Variants in FXYD6 observed in about 807,000 individuals in gnomAD.
The protein encoded by FXYD6 is FXYD domain-containing ion transport regulator 6.
Under a neutral mutation model 16.7 loss-of-function variants are expected in FXYD6, and 7 were observed. That is an observed-to-expected ratio of 0.42 (90% confidence interval 0.24 to 0.79). The LOEUF is 0.79. Among genes scored for constraint, FXYD6 ranks in the 30% least tolerant of loss-of-function variants. FXYD6 has a pLI of 0.28. For synonymous variants in FXYD6, 49 were observed against 43.0 expected, an observed-to-expected ratio of 1.14 and a Z score of -0.54; for missense variants, 111 against 116.2, an observed-to-expected ratio of 0.95 and a Z score of 0.21.
intron 1 of FXYD6, among the ~76,000 whole-genome samples, chr11:117,858,628 CTTTTTTCTTTCT>C (rs2056794735): frequency 1.4e-5 from 2 of 145,784 alleles, no homozygotes; most frequent in Non-Finnish European, 3.0e-5. Context: ...GCTTCATTTT[CTTTTTTCTTTCT>C]TTCTTTCTTT....
At chr11:117,841,905 G>A in intron 3 of FXYD6, 40 bp from the exon 4 acceptor site, 1 of 1,613,996 alleles carries the variant, frequency 6.2e-7, no homozygotes, top group Non-Finnish European at 8.5e-7. Flanking sequence ...AGGGGCCAGG[G>A]AGAGGGTGTC....
At chr11:117,862,917 C>T (rs963134970) in intron 1 of FXYD6, among the ~76,000 whole-genome samples, 1 of 152,116 alleles carries the variant, frequency 6.6e-6, no homozygotes, top group Non-Finnish European at 1.5e-5. Context: ...GTTGCATATT[C>T]CTGTTCCCTG....
At chr11:117,876,558 G>T (rs1228018487) in intron 1 of FXYD6, 34 bp downstream of exon 1, 1 of 152,680 alleles carries the variant, frequency 6.5e-6, no homozygotes, top group African/African-American at 2.4e-5. Context: ...CTCGGAAAAA[G>T]GAGCCAACTT....
At chr11:117,843,652 C>A (rs2056409376) in intron 1 of FXYD6, 1 of 152,198 alleles carries the variant, frequency 6.6e-6, no homozygotes, top group South Asian at 2.1e-4. Context: ...GTACCCTTTA[C>A]GTCCCACCTC....
At chr11:117,838,399 C>T (rs972899839) in intron 7 of FXYD6, 122 bp from the exon 8 acceptor site, 29 of 680,442 alleles carry the variant, frequency 4.3e-5, no homozygotes, top group South Asian at 1.4e-4. Context: ...TCGTCTGAGA[C>T]GCAGAGAAAG....
intron 7 of FXYD6, 189 bp downstream of exon 7, chr11:117,839,592 C>T (rs2276033): frequency 0.032 from 19,432 of 612,500 alleles, 2,071 homozygotes; most frequent in East Asian, 0.25. Flanking sequence ...TGGGACACTT[C>T]GGGTGTTTCT....
At chr11:117,841,940 G>A (rs779599083) in intron 3 of FXYD6, 50 bp downstream of exon 3, 4 of 1,614,014 alleles carry the variant, frequency 2.5e-6, no homozygotes, top group Non-Finnish European at 3.4e-6. Flanking sequence ...CTCCTGCCAG[G>A]CAGGGCTGCA....
At chr11:117,841,335 G>C (rs2056338178) in intron 4 of FXYD6, 151 bp from the exon 5 acceptor site, 1 of 954,482 alleles carries the variant, frequency 1.0e-6, no homozygotes, top group Non-Finnish European at 1.6e-6. Context: ...CCCTCGGATG[G>C]GGTAGCTTCT....
At chr11:117,858,777 C>CTTCT (rs1555046998) in intron 1 of FXYD6, among the ~76,000 whole-genome samples, 2,554 of 75,436 alleles carry the variant, frequency 0.034, 294 homozygotes, top group East Asian at 0.15. Context: ...TCCTTCCTTC[C>CTTCT]TTCTTTCTTT....
At chr11:117,858,117 C>A (rs2056777072) in intron 1 of FXYD6, 2 of 152,192 alleles carry the variant, frequency 1.3e-5, no homozygotes, top group Non-Finnish European at 2.9e-5. Flanking sequence ...CCTTGGCACC[C>A]CACCCCAGCC....
At chr11:117,840,397 T>C in intron 5 of FXYD6, 29 bp from the exon 6 acceptor site, 1 of 1,614,042 alleles carries the variant, frequency 6.2e-7, no homozygotes, top group Non-Finnish European at 8.5e-7. Context: ...CACAGCCCCA[T>C]CAGAGATCTC....
intron 1 of FXYD6, among the ~76,000 whole-genome samples, chr11:117,864,147 T>C (rs1459942770): frequency 3.9e-5 from 6 of 152,094 alleles, no homozygotes; most frequent in Non-Finnish European, 7.4e-5. Context: ...GCCAAAAAAA[T>C]CCTGAAAAAG....
chr11:117,839,552 C>T (rs962587482), intron 7 of FXYD6: 17 of 519,950 alleles, frequency 3.3e-5, no homozygotes, highest in Non-Finnish European at 5.1e-5. Context: ...GTGTGGAAGC[C>T]CCATTTCCTG....
At chr11:117,843,170 A>G (rs1170909499) in intron 1 of FXYD6, among the ~76,000 whole-genome samples, 1 of 152,166 alleles carries the variant, frequency 6.6e-6, no homozygotes, top group Non-Finnish European at 1.5e-5. Flanking sequence ...CTTGACCTCA[A>G]GTGGTCCATC....
chr11:117,870,815 G>A lies in FXYD6; in HGVS notation c.-6+5777C>T, dbSNP rs2057118985. On this transcript the variant is annotated intron_variant, in intron 1 of 7. Transcript: ENST00000526014. The surrounding 1 kb of genome is among the most constrained non-coding windows in gnomAD (Gnocchi z 4.2). ...AGCCAAGGCCTACACCCCTTCCCAT[G>A]TAGGGCTGTCACCAGTGTATGCCCC... 6.6e-6 allele frequency among the ~76,000 whole-genome samples: 1 copy of A among 152,050 alleles called. No homozygotes were observed. The highest frequency in any genetic ancestry group is 1.5e-5 in the Non-Finnish European group (1 of 68,010).
chr11:117,869,660 G>T (rs1368593970), intron 1 of FXYD6, among the ~76,000 whole-genome samples: 1 of 134,208 alleles, frequency 7.5e-6, no homozygotes, highest in Non-Finnish European at 1.6e-5. Context: ...GAGAAACTTG[G>T]ACAGAGGAAA....
chr11:117,839,978 C>T, intron 6 of FXYD6, 148 bp from the exon 7 acceptor site: 3 of 993,602 alleles, frequency 3.0e-6, no homozygotes, highest in Non-Finnish European at 4.6e-6. Flanking sequence ...GGGTTCAATC[C>T]TGGCCCTGCT....
rs2056294150 is a variant in FXYD6, at chr11:117,839,767, A to C, written c.*21+14T>G. 1.2e-6 allele frequency: 2 copies of C among 1,614,094 alleles called. No homozygotes were observed. The highest frequency in any genetic ancestry group is 2.7e-5 in the African/African-American group (2 of 74,936). On this transcript the variant is annotated intron_variant, in intron 7 of 7. Transcript: ENST00000526014. ...GATGGCAACAGGGGCCAATCCAGGC[A>C]CTGAGCATCTCACCTTCCACCTGAT...
In FXYD6 at chr11:117,870,140, T is replaced by C. The variant is rs191167435; in HGVS notation, c.-6+6452A>G. On this transcript the variant is annotated intron_variant, in intron 1 of 7. Coordinates refer to ENST00000526014, the MANE Select transcript of FXYD6 (RefSeq NM_022003.4). This position sits in a 1 kb window ranked among gnomAD's most constrained non-coding sequence, Gnocchi z 4.2. ...CAGAAGCAGAAACACAGAACAGTAC[T>C]GCGAGGCCAACTCAGGCACAGGCCA... 5.2e-4 allele frequency among the ~76,000 whole-genome samples: 79 copies of C among 152,366 alleles called. No individual in the cohort carries two copies. The highest frequency in any genetic ancestry group is 1.8e-3 in the African/African-American group (74 of 41,594).
Sources: gnomAD v4.1 joint callset for allele counts (sites outside exome capture counted in the v4.1 genomes callset) on GRCh38, gnomAD v4.1.1 for gene constraint, Gnocchi (gnomAD v3.1) non-coding constraint, MANE v1.5 for transcripts, NCBI Gene and HGNC (gene_info 2026-07-23, HGNC 2026-07-21) for gene names.